Variants in SORBS2 observed in about 807,000 individuals in gnomAD.
The protein encoded by SORBS2 is sorbin and SH3 domain containing 2.
A neutral mutation model predicts 97.7 loss-of-function variants in SORBS2; 46 were observed. The observed-to-expected ratio is 0.47, with a 90% confidence interval of 0.37 to 0.60. The LOEUF (loss-of-function observed/expected upper bound fraction) is 0.60. Ranked by LOEUF, SORBS2 falls within the 20% of genes least tolerant of loss-of-function variation. The pLI, the probability that SORBS2 is intolerant of heterozygous loss-of-function variation, is 0.00. For missense variants in SORBS2, 1,316 were observed against 1,282.3 expected (o/e 1.03, Z -0.40); for synonymous variants, 476 against 473.4 (o/e 1.01, Z -0.07).
chr4:185,887,344 T>A (rs891663392), intron 1 of SORBS2, among the ~76,000 whole-genome samples: 1 of 152,242 alleles, frequency 6.6e-6, no homozygotes, highest in African/African-American at 2.4e-5. Context: ...GAAACACACT[T>A]CCCTCTTTTA....
chr4:185,854,807 G>T (rs1499016), intron 1 of SORBS2, among the ~76,000 whole-genome samples: 129,804 of 151,372 alleles, frequency 0.86, 55,886 homozygotes, highest in East Asian at 0.95. Context: ...GAGAGAGAGA[G>T]AGAGAGAGAG....
intron 12 of SORBS2, among the ~76,000 whole-genome samples, chr4:185,599,389 C>T (rs1000181020): frequency 1.3e-5 from 2 of 152,010 alleles, no homozygotes; most frequent in African/African-American, 4.8e-5. Context: ...TACTATGGAA[C>T]GAAGTAGCTA....
At chr4:185,913,169 A>C (rs1179661557) in intron 1 of SORBS2, among the ~76,000 whole-genome samples, 1 of 152,250 alleles carries the variant, frequency 6.6e-6, no homozygotes, top group Non-Finnish European at 1.5e-5. Context: ...GGGAAAACAG[A>C]AGCAACCAAA....
At chr4:185,661,586 C>T (rs527812487), upstream of SORBS2, among the ~76,000 whole-genome samples, 8 of 152,282 alleles carry the variant, frequency 5.3e-5, no homozygotes, top group Non-Finnish European at 1.0e-4. Flanking sequence ...TTCCTGCTAC[C>T]ATATCCCTGA....
chr4:185,636,680 A>T (rs2097010685), intron 4 of SORBS2, among the ~76,000 whole-genome samples: 1 of 137,660 alleles, frequency 7.3e-6, no homozygotes, highest in Admixed American at 7.7e-5. Context: ...ATGGAGTCTC[A>T]CTCTGTCGCC....
At chr4:185,741,165 A>G (rs1423555693) in intron 2 of SORBS2, among the ~76,000 whole-genome samples, 1 of 152,088 alleles carries the variant, frequency 6.6e-6, no homozygotes, top group African/African-American at 2.4e-5. Flanking sequence ...GACTCTGTCT[A>G]TGAACACAAG....
chr4:185,637,489 C>T (rs1057143585), intron 4 of SORBS2, among the ~76,000 whole-genome samples: 2 of 152,230 alleles, frequency 1.3e-5, no homozygotes, highest in African/African-American at 4.8e-5. Flanking sequence ...AGTGGGATTA[C>T]TCTGGCAGTA....
At chr4:185,778,028 G>A (rs1478639772) in intron 1 of SORBS2, among the ~76,000 whole-genome samples, 1 of 152,166 alleles carries the variant, frequency 6.6e-6, no homozygotes, top group Non-Finnish European at 1.5e-5. Flanking sequence ...TGTAAATTAT[G>A]ACATTAATTT....
chr4:185,618,876 T>C (rs1272119132), intron 8 of SORBS2, among the ~76,000 whole-genome samples: 1 of 152,194 alleles, frequency 6.6e-6, no homozygotes, highest in East Asian at 1.9e-4. Flanking sequence ...TAGATTAATG[T>C]TATAATGAGA....
chr4:185,887,093 C>T (rs1004854224), intron 1 of SORBS2, among the ~76,000 whole-genome samples: 4 of 152,090 alleles, frequency 2.6e-5, no homozygotes, highest in Non-Finnish European at 2.9e-5. Flanking sequence ...CAGCTGTCTG[C>T]GGGGAAGCCG....
intron 1 of SORBS2, among the ~76,000 whole-genome samples, chr4:185,863,406 T>A (rs1164330947): frequency 6.6e-6 from 1 of 152,224 alleles, no homozygotes; most frequent in East Asian, 1.9e-4. Flanking sequence ...CTATGCTTAT[T>A]TCCTTCTGGA....
Position 185,801,768 on chromosome 4 carries a change from C to T in SORBS2, c.-337-26402G>A, listed in dbSNP as rs144924712. Among the ~76,000 whole-genome samples the T allele has an allele frequency of 4.0e-3, 610 of 152,224 alleles. 2 individuals are homozygous for T. Among genetic ancestry groups the T allele is most frequent in the African/African-American group, 0.014 (588 of 41,526 alleles). ...TTAATCTCAGCACTTTAGCAACTGT[C>T]AAGAACAAAGTTCTTTTCAAAAAGT... On this transcript the variant is annotated intron_variant, in intron 1 of 20. Coordinates refer to the SORBS2 transcript ENST00000284776.
At chr4:185,596,604 G>C (rs576613565) in intron 12 of SORBS2, among the ~76,000 whole-genome samples, 2 of 127,220 alleles carry the variant, frequency 1.6e-5, no homozygotes, top group East Asian at 2.6e-4. Flanking sequence ...GTGTGATCTT[G>C]GCTCACTGCA....
intron 1 of SORBS2, among the ~76,000 whole-genome samples, chr4:185,870,343 C>T (rs540905359): frequency 1.3e-5 from 2 of 152,228 alleles, no homozygotes; most frequent in Non-Finnish European, 2.9e-5. Context: ...AGGGGTCGCA[C>T]AGAAGACTGT....
chr4:185,851,525 G>A (rs569901597), intron 1 of SORBS2, among the ~76,000 whole-genome samples: 113 of 152,094 alleles, frequency 7.4e-4, no homozygotes, highest in African/African-American at 2.5e-3. Context: ...ATATTACATC[G>A]TGTAAAAGAC....
chr4:185,931,094 A>G (rs886582965), intron 1 of SORBS2, among the ~76,000 whole-genome samples: 1 of 152,220 alleles, frequency 6.6e-6, no homozygotes, highest in East Asian at 1.9e-4. Context: ...ACAATTCTAC[A>G]CAGAATTACA....
intron 1 of SORBS2, among the ~76,000 whole-genome samples, chr4:185,821,100 C>G (rs541665204): frequency 6.6e-6 from 1 of 152,318 alleles, no homozygotes; most frequent in Non-Finnish European, 1.5e-5. Context: ...TAGTGATGTT[C>G]CAGTGTGATT....
intron 12 of SORBS2, among the ~76,000 whole-genome samples, chr4:185,596,190 AG>A (rs1287260896): frequency 5.9e-5 from 9 of 152,318 alleles, no homozygotes; most frequent in Non-Finnish European, 4.4e-5. Flanking sequence ...ATTGAGTAAA[AG>A]TTTCAACTTC....
chr4:185,940,744 T>G (rs2149998060), intron 1 of SORBS2, among the ~76,000 whole-genome samples: 1 of 152,276 alleles, frequency 6.6e-6, no homozygotes, highest in Non-Finnish European at 1.5e-5. Flanking sequence ...TACAGAGCAG[T>G]CTCCCCCAGG....
Sources: allele counts gnomAD v4.1 joint callset (sites outside exome capture counted in the v4.1 genomes callset), GRCh38; gene constraint gnomAD v4.1.1; transcripts MANE v1.5; gene names NCBI Gene and HGNC (gene_info 2026-07-23, HGNC 2026-07-21).